The following HSF2 variants were observed in gnomAD, a reference collection of about 807,000 sequenced individuals.
The protein encoded by HSF2 is heat shock factor protein 2.
Under a neutral mutation model 65.0 loss-of-function variants are expected in HSF2, and 21 were observed. That is an observed-to-expected ratio of 0.32 (90% CI 0.23 to 0.47). The LOEUF is 0.47. HSF2 is among the 20% of genes least tolerant of loss of function. HSF2 has a pLI of 1.00. For synonymous variants in HSF2, 225 were observed against 219.1 expected (o/e 1.03, Z -0.24); for missense variants, 499 against 628.1 (o/e 0.79, Z 2.20).
At chr6:122,416,143 T>C in intron 4 of HSF2, 78 bp from the exon 5 acceptor site, 1 of 855,380 alleles carries the variant, frequency 1.2e-6, no homozygotes, top group Non-Finnish European at 1.9e-6. Context: ...TTGTCTGGTA[T>C]TCTTAATTAA....
intron 11 of HSF2, among the ~76,000 whole-genome samples, chr6:122,429,537 A>G (rs1269872991): frequency 6.6e-6 from 1 of 152,084 alleles, no homozygotes; most frequent in African/African-American, 2.4e-5. Context: ...TTCCTAATAA[A>G]TCAGATGCCT....
At chr6:122,404,584 A>T (rs1007296605) in intron 1 of HSF2, among the ~76,000 whole-genome samples, 8 of 148,732 alleles carry the variant, frequency 5.4e-5, no homozygotes, top group African/African-American at 2.0e-4. Flanking sequence ...GAGTGTTCTA[A>T]CAAGAGTGCC....
At chr6:122,417,170 TGCA>T (rs997852797) in intron 5 of HSF2, among the ~76,000 whole-genome samples, 3 of 151,790 alleles carry the variant, frequency 2.0e-5, no homozygotes, top group African/African-American at 7.2e-5. Flanking sequence ...TTTTAAAGTG[TGCA>T]AGTGAAGGTT....
chr6:122,408,669 T>TCTGTGA (rs1196870005), intron 1 of HSF2, among the ~76,000 whole-genome samples: 1 of 152,144 alleles, frequency 6.6e-6, no homozygotes, highest in East Asian at 1.9e-4. Flanking sequence ...ACCCATAGTA[T>TCTGTGA]CTGTGATTGA....
intron 1 of HSF2, among the ~76,000 whole-genome samples, chr6:122,400,980 T>C (rs2114413895): frequency 6.6e-6 from 1 of 152,362 alleles, no homozygotes; most frequent in South Asian, 2.1e-4. Context: ...TATTTACTTT[T>C]GTCTTAACAG....
chr6:122,411,632 A>AT (rs1414974784), intron 1 of HSF2, among the ~76,000 whole-genome samples: 1 of 151,912 alleles, frequency 6.6e-6, no homozygotes, highest in Admixed American at 6.6e-5. Flanking sequence ...GTCTAACTTC[A>AT]TTTTTTTGTA....
chr6:122,410,744 C>A (rs578112973), intron 1 of HSF2, among the ~76,000 whole-genome samples: 48 of 151,708 alleles, frequency 3.2e-4, no homozygotes, highest in Non-Finnish European at 5.6e-4. Context: ...GTGAGAATTT[C>A]CTTTTTTAGG....
chr6:122,416,014 C>CT (rs931153939), intron 4 of HSF2, among the ~76,000 whole-genome samples: 7 of 151,868 alleles, frequency 4.6e-5, no homozygotes, highest in South Asian at 2.1e-4. Flanking sequence ...AAAGCTACAC[C>CT]TTTTTTTTAA....
intron 10 of HSF2, 65 bp downstream of exon 10, chr6:122,423,751 C>A: frequency 1.2e-6 from 1 of 815,560 alleles, no homozygotes; most frequent in Non-Finnish European, 1.9e-6. Flanking sequence ...TATTTAAAAA[C>A]CAGTACGTCA....
chr6:122,423,225 A>C (rs1290238439), intron 9 of HSF2, among the ~76,000 whole-genome samples: 1 of 152,160 alleles, frequency 6.6e-6, no homozygotes, highest in Non-Finnish European at 1.5e-5. Context: ...ATATTTGTGT[A>C]TCCAAACTAC....
intron 5 of HSF2, among the ~76,000 whole-genome samples, chr6:122,418,344 G>A (rs1774166754): frequency 6.6e-6 from 1 of 152,078 alleles, no homozygotes; most frequent in Admixed American, 6.6e-5. Context: ...TAAACATACT[G>A]GATCCCATGA....
chr6:122,402,480 G>A (rs1342204105), intron 1 of HSF2, among the ~76,000 whole-genome samples: 17 of 152,002 alleles, frequency 1.1e-4, no homozygotes, highest in African/African-American at 4.1e-4. Flanking sequence ...TGTAATGAGA[G>A]TGGTAGGAAT....
At chr6:122,415,660 CAT>C (rs1313798336) in intron 4 of HSF2, among the ~76,000 whole-genome samples, 1 of 151,868 alleles carries the variant, frequency 6.6e-6, no homozygotes, top group East Asian at 1.9e-4. Context: ...TTGATGTAGG[CAT>C]ATGTCTTAAG....
chr6:122,431,528 T>G lies in HSF2; in HGVS notation c.1315+14T>G, dbSNP rs757373125. 1.4e-6 allele frequency: 2 copies of G among 1,428,504 alleles called. No individual in the cohort carries two copies. The highest frequency in any genetic ancestry group is 2.0e-6 in the Non-Finnish European group (2 of 1,019,546). 88.5% of individuals were successfully genotyped at this position (1,428,504 alleles called of 1,614,324 possible). On this transcript the variant is annotated intron_variant, in intron 12 of 12. Transcript: ENST00000368455. ...AATCCAAACCAGGTAGGTATAAATA[T>G]AGTATTCAGTCTCTGTAGGTTTTTT...
rs186220947 is a variant in HSF2, at chr6:122,428,579, A to G, written c.1230+623A>G. ...GGTGTTTTATATCATTGTATTTTAT[A>G]TAACTTAATTGTCATGAATAGGTAT... On this transcript the variant is annotated intron_variant, in intron 11 of 12. Transcript: ENST00000368455. 3.3e-5 allele frequency among the ~76,000 whole-genome samples: 5 copies of G among 152,146 alleles called. No individual in the cohort carries two copies. The East Asian group carries it at 7.7e-4, about 23-fold the overall frequency.
At chr6:122,408,283 T>G (rs1773912059) in intron 1 of HSF2, among the ~76,000 whole-genome samples, 1 of 151,860 alleles carries the variant, frequency 6.6e-6, no homozygotes, top group African/African-American at 2.4e-5. Flanking sequence ...AGGAGTGCCT[T>G]AAGTATTTTT....
intron 1 of HSF2, among the ~76,000 whole-genome samples, chr6:122,404,303 T>C (rs919078544): frequency 3.9e-5 from 6 of 152,186 alleles, no homozygotes; most frequent in African/African-American, 1.2e-4. Context: ...CCAGCAACCA[T>C]TGCATTATAT....
At chr6:122,411,748 G>A (rs1324873826) in intron 1 of HSF2, among the ~76,000 whole-genome samples, 2 of 151,664 alleles carry the variant, frequency 1.3e-5, no homozygotes, top group Admixed American at 1.3e-4. Flanking sequence ...GTTTATTTCT[G>A]GGCTGTCTAT....
intron 11 of HSF2, among the ~76,000 whole-genome samples, chr6:122,430,919 C>T (rs1184356982): frequency 1.3e-5 from 2 of 152,134 alleles, no homozygotes; most frequent in Non-Finnish European, 2.9e-5. Context: ...ACCACCTCAA[C>T]TTTGAGGCTT....
Sources: gnomAD v4.1 joint callset for allele counts (sites outside exome capture counted in the v4.1 genomes callset) on GRCh38, gnomAD v4.1.1 for gene constraint, MANE v1.5 for transcripts, NCBI Gene and HGNC (gene_info 2026-07-23, HGNC 2026-07-21) for gene names.